Variants in TRMT11 observed in about 807,000 individuals in gnomAD.
TRMT11 encodes tRNA (guanine(10)-N(2))-methyltransferase TRMT11.
TRMT11 carries 53 observed loss-of-function variants against 62.8 expected under a neutral mutation model. The ratio of observed to expected loss-of-function variants is 0.84; its 90% CI spans 0.68 to 1.06. The LOEUF is 1.06. Ranked by LOEUF, TRMT11 falls within the 50% of genes least tolerant of loss-of-function variation. TRMT11 has a pLI of 0.00. For missense variants in TRMT11, 556 were observed against 553.4 expected, an observed-to-expected ratio of 1.00 and a Z score of -0.05; for synonymous variants, 188 against 190.3, an observed-to-expected ratio of 0.99 and a Z score of 0.10.
chr6:126,234,670 CTAAA>C, the TRMT11 span, among the ~76,000 whole-genome samples: 1 of 152,050 alleles, frequency 6.6e-6, no homozygotes, highest in African/African-American at 2.4e-5. Context: ...ATACATTTCT[CTAAA>C]TATCAATATT....
chr6:126,061,897 T>C (rs1037573488), intron 17 of TRMT11, among the ~76,000 whole-genome samples: 4 of 152,284 alleles, frequency 2.6e-5, no homozygotes, highest in African/African-American at 9.6e-5. Context: ...TCTTTTTCAG[T>C]TTTGAGACAG....
At chr6:126,135,385 T>TA (rs1388018676) in intron 21 of TRMT11, among the ~76,000 whole-genome samples, 1 of 151,670 alleles carries the variant, frequency 6.6e-6, no homozygotes, top group Non-Finnish European at 1.5e-5. Context: ...TTAGAAAACT[T>TA]AGAAGAAATG....
Sources: gnomAD v4.1 joint callset for allele counts (sites outside exome capture counted in the v4.1 genomes callset) on GRCh38, gnomAD v4.1.1 for gene constraint, MANE v1.5 for transcripts, NCBI Gene and HGNC (gene_info 2026-07-23, HGNC 2026-07-21) for gene names.